ASAP1: variants seen among roughly 807,000 people sequenced by gnomAD.
The protein encoded by ASAP1 is arf-GAP with SH3 domain, ANK repeat and PH domain-containing protein 1.
In ASAP1, 43 loss-of-function variants were observed where a neutral mutation model predicts 145.2. The observed-to-expected ratio is 0.30, with a 90% CI of 0.23 to 0.38. The LOEUF is 0.38. ASAP1 is among the 10% of genes least tolerant of loss of function. ASAP1 has a pLI of 1.00. For synonymous variants in ASAP1, 546 were observed against 515.5 expected, an observed-to-expected ratio of 1.06 and a Z score of -0.80; for missense variants, 1,018 against 1,355.3, an observed-to-expected ratio of 0.75 and a Z score of 3.91.
intron 4 of ASAP1, among the ~76,000 whole-genome samples, chr8:130,219,628 C>T (rs1817168920): frequency 6.6e-6 from 1 of 152,048 alleles, no homozygotes; most frequent in African/African-American, 2.4e-5. Context: ...GACTTTTGGG[C>T]ACATAGTACA....
At chr8:130,253,437 C>T (rs527741943) in intron 3 of ASAP1, among the ~76,000 whole-genome samples, 1 of 152,182 alleles carries the variant, frequency 6.6e-6, no homozygotes, top group East Asian at 1.9e-4. Context: ...CCCCAAAGTT[C>T]CCAACAGATA....
At chr8:130,062,786 C>A (rs1025400237) in intron 27 of ASAP1, among the ~76,000 whole-genome samples, 1 of 152,174 alleles carries the variant, frequency 6.6e-6, no homozygotes, top group Non-Finnish European at 1.5e-5. Flanking sequence ...AAATGCCACC[C>A]ATCTGAATGC....
chr8:130,375,840 A>G (rs1054203529), intron 2 of ASAP1, among the ~76,000 whole-genome samples: 7 of 152,234 alleles, frequency 4.6e-5, no homozygotes, highest in African/African-American at 1.7e-4. Context: ...CAAAGCCAGG[A>G]CTGTTTTCTA....
intron 1 of ASAP1, among the ~76,000 whole-genome samples, chr8:130,403,990 T>C (rs1158825342): frequency 6.6e-6 from 1 of 152,178 alleles, no homozygotes; most frequent in Non-Finnish European, 1.5e-5. Context: ...TCCTTAAATA[T>C]TATATTCTCA....
At chr8:130,074,391 C>CT (rs1263215402) in intron 27 of ASAP1, among the ~76,000 whole-genome samples, 1 of 148,946 alleles carries the variant, frequency 6.7e-6, no homozygotes, top group Non-Finnish European at 1.5e-5. Context: ...TATTCTGTGT[C>CT]TTTTTTTGTA....
chr8:130,114,769 ATTTTTTTT>A (rs60433249), intron 23 of ASAP1, among the ~76,000 whole-genome samples: 2 of 134,926 alleles, frequency 1.5e-5, no homozygotes, highest in Admixed American at 7.5e-5. Context: ...TTGAAGGTTA[ATTTTTTTT>A]TTTTTTTTTT....
intron 1 of ASAP1, among the ~76,000 whole-genome samples, chr8:130,414,270 G>T (rs1829384847): frequency 6.6e-6 from 1 of 152,190 alleles, no homozygotes. Flanking sequence ...GATACTTCCA[G>T]AATTTTAAGA....
chr8:130,372,858 T>C (rs1270893984), intron 2 of ASAP1, among the ~76,000 whole-genome samples: 1 of 152,124 alleles, frequency 6.6e-6, no homozygotes, highest in East Asian at 1.9e-4. Flanking sequence ...CTCTTTCCTT[T>C]TCTGAGAGAG....
Position 130,065,835 on chromosome 8 carries a change from C to A in ASAP1, c.2702-4766G>T, listed in dbSNP as rs16904198. On this transcript the variant is annotated intron_variant, in intron 27 of 29. Transcript: ENST00000518721. ...ACACAAACACTTTCATAATCGTGTACTAGCCTCACTGTTCTTTCCTGCCTT... is the reference window on the plus strand; with the variant it reads ...ACACAAACACTTTCATAATCGTGTAATAGCCTCACTGTTCTTTCCTGCCTT... Among the ~76,000 whole-genome samples, 1,063 of 152,312 alleles carry A rather than the reference C, an allele frequency of 7.0e-3. 19 individuals are homozygous for A. Among genetic ancestry groups the A allele is most frequent in the African/African-American group, 0.025 (1,021 of 41,570 alleles).
At chr8:130,071,020 G>GAGAGAGAGAGAGAGAC (rs2097445104) in intron 27 of ASAP1, among the ~76,000 whole-genome samples, 1 of 112,914 alleles carries the variant, frequency 8.9e-6, no homozygotes, top group African/African-American at 3.5e-5. Context: ...GGGAGAGAGA[G>GAGAGAGAGAGAGAGAC]AGAGAGAGAG....
At chr8:130,441,051 A>G (rs1270303880) in intron 1 of ASAP1, among the ~76,000 whole-genome samples, 3 of 152,234 alleles carry the variant, frequency 2.0e-5, no homozygotes, top group Non-Finnish European at 4.4e-5. Flanking sequence ...AGGGCTTAGC[A>G]TGGCGCAGGT....
chr8:130,431,113 T>C (rs1318601769), intron 1 of ASAP1, among the ~76,000 whole-genome samples: 1 of 152,158 alleles, frequency 6.6e-6, no homozygotes, highest in Non-Finnish European at 1.5e-5. Flanking sequence ...ATCAGTGTCA[T>C]GGCTCTCTCT....
chr8:130,366,886 C>CTTTTTTTTTTTTTTTTTTTTTTTTTTTTT (rs905755447), intron 2 of ASAP1, among the ~76,000 whole-genome samples: 2 of 99,196 alleles, frequency 2.0e-5, no homozygotes, highest in African/African-American at 8.1e-5. Flanking sequence ...TGCTAGATTC[C>CTTTTTTTTTTTTTTTTTTTTTTTTTTTTT]TTTTTTTTTT....
At chr8:130,289,687 G>C (rs1821834100) in intron 3 of ASAP1, among the ~76,000 whole-genome samples, 2 of 152,186 alleles carry the variant, frequency 1.3e-5, no homozygotes, top group Admixed American at 1.3e-4. Context: ...AGCCCATACA[G>C]CCAGGTAAAC....
chr8:130,095,779 C>A (rs144937276), intron 24 of ASAP1, among the ~76,000 whole-genome samples: 1 of 149,080 alleles, frequency 6.7e-6, no homozygotes, highest in Non-Finnish European at 1.5e-5. Flanking sequence ...CCGCCACACC[C>A]GGCTAAGTTT....
In ASAP1 at chr8:130,116,763, T is replaced by C. The variant is rs765744519; in HGVS notation, c.1997-18A>G. On this transcript the variant is annotated intron_variant, in intron 21 of 29. Coordinates refer to ENST00000518721, the MANE Select transcript of ASAP1 (RefSeq NM_018482.4). ...CTGGTTAACTGAAATAGGAAAAAAA[T>C]TAATTTGCATAATTATCTAGGAAAC... The C allele has an allele frequency of 6.2e-7, 1 of 1,611,432 alleles. No homozygotes were observed. The highest frequency in any genetic ancestry group is 1.3e-5 in the African/African-American group (1 of 74,850).
intron 12 of ASAP1, 73 bp from the exon 13 acceptor site, chr8:130,152,878 ACATAATAAT>A: frequency 9.0e-7 from 1 of 1,114,006 alleles, no homozygotes; most frequent in African/African-American, 1.6e-5. Flanking sequence ...ACAGTATGAT[ACATAATAAT>A]AATTACAAAA....
intron 13 of ASAP1, among the ~76,000 whole-genome samples, chr8:130,142,931 G>A (rs2097615970): frequency 6.6e-6 from 1 of 152,172 alleles, no homozygotes; most frequent in South Asian, 2.1e-4. Context: ...GGCTGAGAGA[G>A]TAAGGAAGAT....
chr8:130,105,993 C>T (rs1016715110), intron 24 of ASAP1, among the ~76,000 whole-genome samples: 2 of 152,304 alleles, frequency 1.3e-5, no homozygotes, highest in East Asian at 3.9e-4. Flanking sequence ...GCCAGAGGCA[C>T]AACAAGGATT....
Sources: gnomAD v4.1 joint callset for allele counts (sites outside exome capture counted in the v4.1 genomes callset) on GRCh38, gnomAD v4.1.1 for gene constraint, MANE v1.5 for transcripts, NCBI Gene and HGNC (gene_info 2026-07-23, HGNC 2026-07-21) for gene names.